The following LONRF3 variants were observed in gnomAD, a reference collection of about 807,000 sequenced individuals.
The protein encoded by LONRF3 is LON peptidase N-terminal domain and ring finger 3.
LONRF3 carries 19 observed loss-of-function variants against 51.7 expected under a neutral mutation model. That is an observed-to-expected ratio of 0.37 (90% CI 0.26 to 0.54). LONRF3 has a LOEUF of 0.54. Among genes scored for constraint, LONRF3 ranks in the 20% least tolerant of loss-of-function variants. LONRF3 has a pLI of 0.86. For missense variants in LONRF3, 521 were observed against 623.9 expected (o/e 0.84, Z 1.76); for synonymous variants, 265 against 257.8 (o/e 1.03, Z -0.27).
At chrX:119,005,128 C>T (rs938187666) in intron 5 of LONRF3, among the ~76,000 whole-genome samples, 1 of 111,721 alleles carries the variant, frequency 9.0e-6, no homozygotes, top group Non-Finnish European at 1.9e-5. Flanking sequence ...GGGAGCCGTG[C>T]AGCTGGCAGC....
intron 2 of LONRF3, among the ~76,000 whole-genome samples, chrX:118,980,938 G>A (rs1000853292): frequency 1.8e-5 from 2 of 111,835 alleles, no homozygotes; most frequent in African/African-American, 6.5e-5. Flanking sequence ...TGAAGTGAGA[G>A]GTGGGGGCAG....
Position 118,975,251 on chromosome X carries a change from G to A in LONRF3, c.471G>A (p.Lys157=). The A allele has an allele frequency of 8.3e-7, 1 of 1,208,672 alleles. No individual in the cohort carries two copies. Among genetic ancestry groups the A allele is most frequent in the Non-Finnish European group, 1.1e-6 (1 of 894,447 alleles). ...AAATEVWDGF[K]CRKCHGFLSD... ...CCACCGAGGTGTGGGACGGCTTTAA[G>A]TGCCGGAAATGTCATGGGTTTCTAT... Residue 157 remains lysine (K), a synonymous_variant, in exon 1 of 11, where the codon AAG becomes AAA. Transcript: ENST00000371628.
At chrX:119,006,425 A>T (rs1603254903) in intron 6 of LONRF3, among the ~76,000 whole-genome samples, 190 bp downstream of exon 6, 1 of 78,156 alleles carries the variant, frequency 1.3e-5, no homozygotes. Context: ...TTTTTGACTG[A>T]GTCTCCACTC....
intron 2 of LONRF3, among the ~76,000 whole-genome samples, chrX:118,981,702 G>A (rs977267321): frequency 2.7e-5 from 3 of 111,125 alleles, no homozygotes; most frequent in Non-Finnish European, 5.7e-5. Context: ...AGAAGGAGCT[G>A]GGGGAATGCG....
chrX:119,009,663 C>T (rs1924969858), intron 7 of LONRF3, among the ~76,000 whole-genome samples: 1 of 112,006 alleles, frequency 8.9e-6, no homozygotes, highest in African/African-American at 3.2e-5. Context: ...CCCAGTTCTA[C>T]CTCAAAGTGA....
At chrX:119,016,225 A>G (rs1386727466) in intron 10 of LONRF3, among the ~76,000 whole-genome samples, 1 of 112,095 alleles carries the variant, frequency 8.9e-6, no homozygotes, top group Admixed American at 9.5e-5. Context: ...TTAGAAGGAA[A>G]TAAGTACCCA....
At chrX:118,992,950 C>G (rs1264571427) in intron 5 of LONRF3, among the ~76,000 whole-genome samples, 1 of 111,361 alleles carries the variant, frequency 9.0e-6, no homozygotes, top group Non-Finnish European at 1.9e-5. Context: ...CACAGGAAGC[C>G]ACACCCATAG....
intron 10 of LONRF3, among the ~76,000 whole-genome samples, chrX:119,017,280 C>T (rs190418735): frequency 8.9e-6 from 1 of 112,182 alleles, no homozygotes; most frequent in African/African-American, 3.2e-5. Context: ...ACACATATCA[C>T]TTCCCTTTAC....
At position 119,017,187 on chromosome X, in the gene LONRF3, G is replaced by A. The variant is rs867205724; in HGVS notation, c.2125-348G>A. On this transcript the variant is annotated intron_variant, in intron 10 of 10. Coordinates refer to ENST00000371628, the MANE Select transcript of LONRF3 (RefSeq NM_001031855.3). ...ATTGAGAAAGGCTGATCCTCACCAC[G>A]TCCATGTTCTAGCTAGGGGAAAGGG... is the stretch of plus-strand genomic sequence containing the variant. Among the ~76,000 whole-genome samples the A allele has an allele frequency of 9.9e-5, 11 of 111,510 alleles. No homozygotes were observed. In the South Asian group the frequency reaches 1.5e-3, roughly 16 times the overall value.
Position 119,017,834 on chromosome X carries a change from A to G in LONRF3, c.*144A>G. 3 of 514,866 alleles carry G rather than the reference A, an allele frequency of 5.8e-6. No homozygotes were observed. The highest frequency in any genetic ancestry group is 9.7e-5 in the Admixed American group (2 of 20,644). The allele number at this position is 514,866 out of a possible 1,213,427, so 42.4% of individuals were successfully genotyped here. On this transcript the variant is annotated 3_prime_UTR_variant, in exon 11 of 11. Transcript: ENST00000371628. ...AGCCTGCTGTTGATCACAGAGAGAAATTGAGTAGAAAGACCAAAAGAATGT... is the reference window on the plus strand; with the variant it reads ...AGCCTGCTGTTGATCACAGAGAGAAGTTGAGTAGAAAGACCAAAAGAATGT...
chrX:118,992,810 T>C (rs2100525), intron 5 of LONRF3, among the ~76,000 whole-genome samples: 47,710 of 110,076 alleles, frequency 0.43, 7,784 homozygotes, highest in African/African-American at 0.56. Context: ...CTGGTATCTA[T>C]CTACTGAGAG....
At chrX:118,978,589 A>G (rs1922270499) in intron 2 of LONRF3, 126 bp downstream of exon 2, 1 of 447,316 alleles carries the variant, frequency 2.2e-6, no homozygotes. Flanking sequence ...TTTGCAAAGG[A>G]GCCAGGGTAA....
At chrX:118,999,646 C>T (rs1341306579) in intron 5 of LONRF3, among the ~76,000 whole-genome samples, 1 of 111,849 alleles carries the variant, frequency 8.9e-6, no homozygotes, top group South Asian at 3.8e-4. Context: ...TCCCTTTCAT[C>T]TTGTTTGTCC....
Position 118,989,545 on chromosome X carries a change from G to A in LONRF3, c.1197G>A (p.Glu399=). The part of the protein sequence containing the change: ...HHMKDQEEEE[E]KWDATSPKAA... ...TGAAAGACCAGGAAGAAGAGGAGGA[G>A]AAGTGGGATGCTACCTCTCCAAAAG... Residue 399 remains glutamate, a synonymous_variant, in exon 4 of 11, where the codon GAG becomes GAA. Coordinates refer to ENST00000371628, the MANE Select transcript of LONRF3 (RefSeq NM_001031855.3). 8.3e-7 allele frequency: 1 copy of A among 1,211,436 alleles called. No individual in the cohort carries two copies. Among genetic ancestry groups the A allele is most frequent in the African/African-American group, 1.7e-5 (1 of 57,699 alleles).
chrX:118,982,983 C>T (rs1569475505), intron 3 of LONRF3, 40 bp downstream of exon 3: 2 of 1,186,551 alleles, frequency 1.7e-6, no homozygotes, highest in African/African-American at 3.5e-5. Flanking sequence ...CCTACTGGAC[C>T]CTCCCCTCTC....
At chrX:118,999,038 G>C (rs745330048) in intron 5 of LONRF3, among the ~76,000 whole-genome samples, 42 of 112,679 alleles carry the variant, frequency 3.7e-4, no homozygotes, top group African/African-American at 1.3e-3. Context: ...CCCTTTATGA[G>C]CACATATGCT....
intron 5 of LONRF3, among the ~76,000 whole-genome samples, chrX:118,996,661 G>A (rs894469379): frequency 2.7e-5 from 3 of 111,303 alleles, no homozygotes; most frequent in South Asian, 3.8e-4. Context: ...GGTGGCTCAT[G>A]CCTGTAATCC....
chrX:119,011,753 A>C, intron 7 of LONRF3, 62 bp from the exon 8 acceptor site: 2 of 1,132,015 alleles, frequency 1.8e-6, no homozygotes, highest in Non-Finnish European at 2.4e-6. Flanking sequence ...CTAACATTTG[A>C]CCAATATTTT....
chrX:118,985,362 T>C, intron 3 of LONRF3, among the ~76,000 whole-genome samples: 2 of 111,695 alleles, frequency 1.8e-5, no homozygotes, highest in Middle Eastern at 9.2e-3. Flanking sequence ...CCTTGGCTCC[T>C]GTGGAGGAGG....
Sources: gnomAD v4.1 joint callset for allele counts (sites outside exome capture counted in the v4.1 genomes callset) on GRCh38, gnomAD v4.1.1 for gene constraint, MANE v1.5 for transcripts, NCBI Gene and HGNC (gene_info 2026-07-23, HGNC 2026-07-21) for gene names.